ZNF148: variants seen among roughly 807,000 people sequenced by gnomAD.
ZNF148 encodes zinc finger protein 148.
ZNF148 carries 7 observed loss-of-function variants against 67.7 expected under a neutral mutation model. That is an observed-to-expected ratio of 0.10 (90% confidence interval 0.06 to 0.19). The LOEUF (loss-of-function observed/expected upper bound fraction) is 0.19, where lower values mean the gene tolerates loss of function less well. Among genes scored for constraint, ZNF148 ranks in the 10% least tolerant of loss-of-function variants. The pLI is 1.00. For missense variants in ZNF148, 583 were observed against 947.1 expected (o/e 0.62, Z 5.05); for synonymous variants, 333 against 330.7 (o/e 1.01, Z -0.08).
rs1264356276 is a variant in ZNF148, at chr3:125,307,374, G to A, written c.333+5934C>T. Among the ~76,000 whole-genome samples the A allele has an allele frequency of 2.1e-4, 32 of 151,844 alleles. 1 individual carries two copies. Among genetic ancestry groups the A allele is most frequent in the Admixed American group, 2.1e-3 (32 of 15,252 alleles). ...GCTGGAGTGCAGTGGCGCGATCTCAGCTCACTGCAAGCTCCGCCTCCCGCA... is the reference window on the plus strand; with the variant it reads ...GCTGGAGTGCAGTGGCGCGATCTCAACTCACTGCAAGCTCCGCCTCCCGCA... On this transcript the variant is annotated intron_variant, in intron 4 of 8. Coordinates refer to ENST00000360647, the MANE Select transcript of ZNF148 (RefSeq NM_021964.3).
intron 1 of ZNF148, among the ~76,000 whole-genome samples, chr3:125,334,925 G>A (rs1191863304): frequency 6.6e-6 from 1 of 152,082 alleles, no homozygotes; most frequent in Non-Finnish European, 1.5e-5. Context: ...AGAATCTACT[G>A]CACTGGCTGT....
At position 125,231,443 on chromosome 3, in the gene ZNF148, T is replaced by C. The variant is rs559445652; in HGVS notation, c.*898A>G. On this transcript the variant is annotated 3_prime_UTR_variant, in exon 9 of 9. Coordinates refer to ENST00000360647, the MANE Select transcript of ZNF148 (RefSeq NM_021964.3). ...TGCTCTATGTTAACTGAAGTGTATA[T>C]GTAAAGTAAAATACAATTAAGCTTT... is the stretch of plus-strand genomic sequence containing the variant. 3 of 152,662 alleles carry C rather than the reference T, an allele frequency of 2.0e-5. No individual in the cohort carries two copies. The East Asian group carries it at 5.8e-4, about 29-fold the overall frequency. The allele number at this position is 152,662 out of a possible 1,614,324, so 9.5% of individuals were successfully genotyped here.
intron 4 of ZNF148, among the ~76,000 whole-genome samples, chr3:125,289,433 T>G (rs1231954469): frequency 2.0e-5 from 3 of 152,220 alleles, no homozygotes; most frequent in Non-Finnish European, 4.4e-5. Context: ...TGTAAATGAT[T>G]ATTTATTTAG....
At chr3:125,374,527 C>T (rs903918090) in intron 1 of ZNF148, among the ~76,000 whole-genome samples, 1 of 152,074 alleles carries the variant, frequency 6.6e-6, no homozygotes, top group African/African-American at 2.4e-5. Flanking sequence ...CTCAAGACTC[C>T]TCCACAGCCA....
chr3:125,326,979 C>T (rs1171206257), intron 2 of ZNF148, among the ~76,000 whole-genome samples: 7 of 151,194 alleles, frequency 4.6e-5, no homozygotes, highest in African/African-American at 9.7e-5. Context: ...CAGCGACTGT[C>T]GGAAAGGATA....
intron 1 of ZNF148, among the ~76,000 whole-genome samples, chr3:125,340,845 G>A (rs904805975): frequency 3.6e-4 from 54 of 151,532 alleles, no homozygotes; most frequent in Non-Finnish European, 6.1e-4. Context: ...AAAATTAGCC[G>A]GGCGTAGTGG....
intron 1 of ZNF148, among the ~76,000 whole-genome samples, chr3:125,356,282 T>C (rs1165122997): frequency 6.6e-6 from 1 of 152,186 alleles, no homozygotes; most frequent in Non-Finnish European, 1.5e-5. Context: ...ACACCCAGTT[T>C]CCTTAGTCTA....
intron 7 of ZNF148, among the ~76,000 whole-genome samples, chr3:125,277,224 T>C (rs1411948240): frequency 6.6e-6 from 1 of 152,230 alleles, no homozygotes; most frequent in Non-Finnish European, 1.5e-5. Context: ...TTTTACGGTA[T>C]GTGTTCCTTT....
intron 3 of ZNF148, among the ~76,000 whole-genome samples, chr3:125,317,050 A>C (rs1404933209): frequency 6.6e-6 from 1 of 152,220 alleles, no homozygotes; most frequent in East Asian, 1.9e-4. Flanking sequence ...ACTCCAAATG[A>C]AAAACAAATG....
rs34424875 is a variant in ZNF148 at position 125,269,448 on chromosome 3, C to CAAA, written c.667+8275_667+8277dup. Among the ~76,000 whole-genome samples the CAAA allele has an allele frequency of 1.0e-2, 1,367 of 136,922 alleles. 11 individuals are homozygous for CAAA. The highest frequency in any genetic ancestry group is 0.017 in the Non-Finnish European group (1,049 of 63,108). The allele number at this position is 136,922 out of a possible 152,430, so 89.8% of individuals were successfully genotyped here. A position where few individuals can be genotyped will look rare whatever the true frequency, so the allele number is the denominator to read the frequency against. On this transcript the variant is annotated intron_variant, in intron 7 of 8. Coordinates refer to ENST00000360647, the MANE Select transcript of ZNF148 (RefSeq NM_021964.3). Reference sequence around the variant, plus strand: ...CTAAGAAGGGCTATTATTAAAATGTCAAAAAAAAAAAAACATGTTGGCGAA... The same window carrying CAAA: ...CTAAGAAGGGCTATTATTAAAATGTCAAAAAAAAAAAAAAAACATGTTGGCGAA...
rs953080116 is a variant in ZNF148, at chr3:125,277,915, T to C, written c.584-106A>G. ...CTTAGATGCCCAAATTTTGGAAAAT[T>C]ACAAAATAGCCATACAAATTTTTAA... is the stretch of plus-strand genomic sequence containing the variant. On this transcript the variant is annotated intron_variant, in intron 6 of 8. Coordinates refer to ENST00000360647, the MANE Select transcript of ZNF148 (RefSeq NM_021964.3). 2.5e-5 allele frequency: 19 copies of C among 770,398 alleles called. No individual in the cohort carries two copies. The African/African-American group carries it at 3.3e-4, about 13-fold the overall frequency. 47.7% of individuals were successfully genotyped at this position (770,398 alleles called of 1,614,324 possible).
At chr3:125,270,566 G>T (rs1937680097) in intron 7 of ZNF148, among the ~76,000 whole-genome samples, 1 of 152,142 alleles carries the variant, frequency 6.6e-6, no homozygotes, top group Non-Finnish European at 1.5e-5. Flanking sequence ...TTTTCAGGGG[G>T]CCCTACATTA....
intron 3 of ZNF148, among the ~76,000 whole-genome samples, chr3:125,319,298 C>T (rs552352693): frequency 1.3e-4 from 20 of 152,094 alleles, no homozygotes; most frequent in Non-Finnish European, 2.4e-4. Context: ...AGTTTTCGGT[C>T]GGGGCTTTTA....
chr3:125,366,354 ACTTAG>A (rs1206842486), intron 1 of ZNF148, among the ~76,000 whole-genome samples: 2 of 152,140 alleles, frequency 1.3e-5, no homozygotes, highest in Non-Finnish European at 2.9e-5. Flanking sequence ...AATACAAACT[ACTTAG>A]CTTAGCTTTC....
At chr3:125,269,515 T>G (rs138919863) in intron 7 of ZNF148, among the ~76,000 whole-genome samples, 1 of 150,992 alleles carries the variant, frequency 6.6e-6, no homozygotes. Context: ...TTGGTAGACG[T>G]GAATTATTTC....
At chr3:125,329,282 GTATATGTA>G (rs529727256) in intron 2 of ZNF148, among the ~76,000 whole-genome samples, 2,907 of 144,690 alleles carry the variant, frequency 0.02, 93 homozygotes, top group African/African-American at 0.068. Flanking sequence ...ATATTTATAT[GTATATGTA>G]TATATGTATA....
chr3:125,362,605 A>T (rs1216896262), intron 1 of ZNF148, among the ~76,000 whole-genome samples: 2 of 150,344 alleles, frequency 1.3e-5, no homozygotes, highest in African/African-American at 4.9e-5. Flanking sequence ...CCCAGGCTGG[A>T]GTGCAGTGGT....
intron 7 of ZNF148, among the ~76,000 whole-genome samples, chr3:125,250,100 G>C (rs1936774994): frequency 6.6e-6 from 1 of 152,066 alleles, no homozygotes; most frequent in African/African-American, 2.4e-5. Context: ...ATATAGCATG[G>C]GACCTATAGT....
At chr3:125,319,174 G>C (rs1270291197) in intron 3 of ZNF148, among the ~76,000 whole-genome samples, 1 of 152,162 alleles carries the variant, frequency 6.6e-6, no homozygotes, top group East Asian at 1.9e-4. Context: ...TCTACCAGAA[G>C]AAATAGCTGA....
Sources: gnomAD v4.1 joint callset for allele counts (sites outside exome capture counted in the v4.1 genomes callset) on GRCh38, gnomAD v4.1.1 for gene constraint, MANE v1.5 for transcripts, NCBI Gene and HGNC (gene_info 2026-07-23, HGNC 2026-07-21) for gene names.